Variants in AFDN observed in about 807,000 individuals in gnomAD.
AFDN encodes the protein afadin.
A neutral mutation model predicts 216.6 loss-of-function variants in AFDN; 68 were observed. The ratio of observed to expected loss-of-function variants is 0.31; its 90% CI spans 0.26 to 0.38. AFDN has a LOEUF of 0.38. AFDN is among the 10% of genes least tolerant of loss of function. The probability of loss-of-function intolerance (pLI) is 1.00; values close to 1 mark genes in which losing one functional copy is unlikely to be tolerated. For missense variants in AFDN, 2,136 were observed against 2,342.0 expected (o/e 0.91, Z 1.82); for synonymous variants, 868 against 853.7 (o/e 1.02, Z -0.29).
At chr6:167,842,887 T>C (rs1204936004) in intron 1 of AFDN, among the ~76,000 whole-genome samples, 1 of 152,218 alleles carries the variant, frequency 6.6e-6, no homozygotes, top group Non-Finnish European at 1.5e-5. Flanking sequence ...CAGTAAAGTT[T>C]TATAAAAACA....
chr6:167,850,522 T>G (rs937289550), intron 1 of AFDN, among the ~76,000 whole-genome samples: 4 of 152,198 alleles, frequency 2.6e-5, no homozygotes, highest in African/African-American at 9.7e-5. Flanking sequence ...TTTGCTATAG[T>G]TTGAGTGTTT....
In AFDN at chr6:167,849,122, ATACC is replaced by A. The variant is rs1461650073; in HGVS notation, c.106-15423_106-15420del. ...CATCTGTAAGACAGGAACAGTAATA[ATACC>A]TACCTTATGGGGTTGTTGTGAAAAT... On this transcript the variant is annotated intron_variant, in intron 1 of 33. Transcript: ENST00000683244. 2.7e-5 allele frequency among the ~76,000 whole-genome samples: 4 copies of A among 150,480 alleles called. No individual in the cohort carries two copies. The Admixed American group carries it at 2.7e-4, about 10-fold the overall frequency.
At chr6:167,903,382 C>T (rs1789237323) in intron 12 of AFDN, among the ~76,000 whole-genome samples, 1 of 152,200 alleles carries the variant, frequency 6.6e-6, no homozygotes, top group Admixed American at 6.5e-5. Flanking sequence ...ACATTCTCTC[C>T]ATGGGACCTT....
At chr6:167,826,740 G>C (rs1217279902), upstream of AFDN, 2 of 380,342 alleles carry the variant, frequency 5.3e-6, no homozygotes, top group African/African-American at 4.2e-5. Flanking sequence ...CACCGCGCGG[G>C]GCCCGCCCTC....
At chr6:167,908,385 G>T (rs1392784753) in intron 13 of AFDN, among the ~76,000 whole-genome samples, 1 of 152,168 alleles carries the variant, frequency 6.6e-6, no homozygotes, top group Admixed American at 6.5e-5. Context: ...TGGTTCTAAT[G>T]CAAGATTTTT....
At chr6:167,946,457 A>G (rs1183391903) in intron 26 of AFDN, among the ~76,000 whole-genome samples, 1 of 152,178 alleles carries the variant, frequency 6.6e-6, no homozygotes, top group African/African-American at 2.4e-5. Flanking sequence ...TTTGTTGCTT[A>G]AAATAGTGAA....
At position 167,925,079 on chromosome 6, in the gene AFDN, T is replaced by C. The variant is rs780962734; in HGVS notation, c.3087T>C (p.Ile1029=). 6.2e-7 allele frequency: 1 copy of C among 1,612,816 alleles called. No individual in the cohort carries two copies. The highest frequency in any genetic ancestry group is 8.5e-7 in the Non-Finnish European group (1 of 1,178,784). The part of the protein sequence containing the change: ...LKKQNGMGLS[I]VAAKGAGQDK... ...AGCAGAATGGAATGGGCCTTAGCAT[T>C]GTTGCAGCAAAGGTAGGCCAATTAG... Residue 1029 remains isoleucine, a synonymous_variant, in exon 23 of 34, where the codon ATT becomes ATC. Coordinates refer to ENST00000683244, the MANE Select transcript of AFDN (RefSeq NM_001386888.1).
rs549533320 is a variant in AFDN at position 167,909,426 on chromosome 6, G to A, written c.1770-1675G>A. Among the ~76,000 whole-genome samples the A allele has an allele frequency of 2.0e-3, 302 of 151,996 alleles. 1 individual carries two copies. Among genetic ancestry groups the A allele is most frequent in the African/African-American group, 7.1e-3 (294 of 41,506 alleles). ...TTGCTGTTGAAAAAAAAATTAGTTA[G>A]CCAGTCTGTAAACTATTATAAATCT... On this transcript the variant is annotated intron_variant, in intron 13 of 33. Coordinates refer to ENST00000683244, the MANE Select transcript of AFDN (RefSeq NM_001386888.1).
At chr6:167,827,832 C>T (rs1779343637) in intron 1 of AFDN, 1 of 152,204 alleles carries the variant, frequency 6.6e-6, no homozygotes, top group African/African-American at 2.4e-5. Flanking sequence ...CCTTCGGGGC[C>T]GCGAGGAAGG....
upstream of AFDN, chr6:167,826,873 C>CGCGGGCGGGGCGCGGGCGGGT (rs1779116994): frequency 7.3e-6 from 1 of 137,122 alleles, no homozygotes; most frequent in Non-Finnish European, 1.7e-5. Flanking sequence ...GCGGGCGGGG[C>CGCGGGCGGGGCGCGGGCGGGT]GCGGGCGGGT....
intron 32 of AFDN, among the ~76,000 whole-genome samples, chr6:167,968,083 G>C (rs1168462318): frequency 6.6e-6 from 1 of 152,138 alleles, no homozygotes; most frequent in African/African-American, 2.4e-5. Flanking sequence ...CGAAAATTCA[G>C]AAGAATTAGT....
At chr6:167,888,143 C>T (rs1787101319) in intron 6 of AFDN, among the ~76,000 whole-genome samples, 3 of 152,040 alleles carry the variant, frequency 2.0e-5, no homozygotes, top group Admixed American at 2.0e-4. Flanking sequence ...AAGGTCAGAT[C>T]CTGAAGTAGT....
chr6:167,858,940 A>G (rs1165256226), intron 1 of AFDN, among the ~76,000 whole-genome samples: 2 of 152,280 alleles, frequency 1.3e-5, no homozygotes, highest in East Asian at 3.9e-4. Flanking sequence ...AATTAGTGCT[A>G]ATAGAAAACT....
chr6:167,937,021 C>T (rs945708557), intron 23 of AFDN, among the ~76,000 whole-genome samples: 2 of 152,158 alleles, frequency 1.3e-5, no homozygotes, highest in Non-Finnish European at 1.5e-5. Flanking sequence ...CTGTGAGCTG[C>T]ACCTGAAGTA....
intron 6 of AFDN, among the ~76,000 whole-genome samples, 177 bp from the exon 7 acceptor site, chr6:167,889,038 T>C (rs904174829): frequency 7.9e-5 from 12 of 152,360 alleles, no homozygotes; most frequent in African/African-American, 2.9e-4. Flanking sequence ...CTTTTTATTA[T>C]AGACTGTTAC....
Position 167,827,172 on chromosome 6 carries a change from G to T in AFDN, c.40G>T (p.Ala14Ser). 2.3e-6 allele frequency: 3 copies of T among 1,306,608 alleles called. No individual in the cohort carries two copies. The highest frequency in any genetic ancestry group is 2.5e-5 in the Admixed American group (1 of 40,108). 80.9% of individuals were successfully genotyped at this position (1,306,608 alleles called of 1,614,324 possible). A position where few individuals can be genotyped will look rare whatever the true frequency, so the allele number is the denominator to read the frequency against. ...CCGTGACGAGGAGCGGCGGAAGCTG[G>T]CCGACATCATCCACCACTGGAACGC... ...GGRDEERRKL[A>S]DIIHHWNANR... is the part of the protein sequence containing the mutation. The change falls in exon 1 of 34, where the codon GCC (alanine) becomes TCC (serine). Residue 14 changes from alanine (A) to serine (S), a missense_variant. Physicochemically the swap from Ala to Ser is moderately conservative, Grantham distance 99. Coordinates refer to ENST00000683244, the MANE Select transcript of AFDN (RefSeq NM_001386888.1).
intron 14 of AFDN, 28 bp from the exon 15 acceptor site, chr6:167,911,256 T>C (rs778776605): frequency 1.2e-6 from 2 of 1,607,572 alleles, no homozygotes; most frequent in South Asian, 2.2e-5. Flanking sequence ...TTTTTCCTTT[T>C]TTCTTTGTTT....
At chr6:167,903,528 T>C (rs1789257086) in intron 12 of AFDN, among the ~76,000 whole-genome samples, 2 of 152,186 alleles carry the variant, frequency 1.3e-5, no homozygotes, top group Admixed American at 6.5e-5. Context: ...TTGAAGCAAA[T>C]ACAGGCCCAG....
intron 19 of AFDN, 52 bp downstream of exon 19, chr6:167,915,485 G>C: frequency 6.5e-7 from 1 of 1,538,194 alleles, no homozygotes; most frequent in Non-Finnish European, 8.8e-7. Flanking sequence ...AAAGGCATCT[G>C]ATCTTTATGA....
Sources: gnomAD v4.1 joint callset for allele counts (sites outside exome capture counted in the v4.1 genomes callset) on GRCh38, gnomAD v4.1.1 for gene constraint, MANE v1.5 for transcripts, NCBI Gene and HGNC (gene_info 2026-07-23, HGNC 2026-07-21) for gene names.